The following KANK1 variants were observed in gnomAD, a reference collection of about 807,000 sequenced individuals.
KANK1 encodes the protein KN motif and ankyrin repeat domain-containing protein 1.
In KANK1, 109 loss-of-function variants were observed where a neutral mutation model predicts 106.2. That is an observed-to-expected ratio of 1.03 (90% CI 0.88 to 1.20). The LOEUF is 1.20. KANK1 is among the 50% of genes most tolerant of loss of function. The probability of loss-of-function intolerance (pLI) is 0.00; values close to 1 mark genes in which losing one functional copy is unlikely to be tolerated. For missense variants in KANK1, 2,399 were observed against 1,710.7 expected, an observed-to-expected ratio of 1.40 and a Z score of -7.10; for synonymous variants, 873 against 652.2, an observed-to-expected ratio of 1.34 and a Z score of -5.16.
chr9:669,370 A>G (rs1222871685), intron 1 of KANK1, among the ~76,000 whole-genome samples: 2 of 152,166 alleles, frequency 1.3e-5, no homozygotes, highest in Admixed American at 1.3e-4. Flanking sequence ...TTGAAGAACC[A>G]TCTTTAACAT....
rs201360608 is a variant in KANK1 at position 606,618 on chromosome 9, A to C, written c.-83-70272A>C. ...AAAATATGTGTGTGTGTGTGTGTAT[A>C]TATTTATATATTTATATATATTACA... On this transcript the variant is annotated intron_variant, in intron 1 of 11. Coordinates refer to ENST00000382297, the MANE Select transcript of KANK1 (RefSeq NM_015158.5). 4.4e-4 allele frequency among the ~76,000 whole-genome samples: 39 copies of C among 89,202 alleles called. No homozygotes were observed. In the East Asian group the frequency reaches 8.1e-3, roughly 18 times the overall value. 58.5% of individuals were successfully genotyped at this position (89,202 alleles called of 152,430 possible). A position where few individuals can be genotyped will look rare whatever the true frequency, so the allele number is the denominator to read the frequency against.
chr9:584,261 A>G (rs1348385594), intron 1 of KANK1, among the ~76,000 whole-genome samples: 1 of 151,920 alleles, frequency 6.6e-6, no homozygotes. Flanking sequence ...AAGTAATATC[A>G]TATGATTTAC....
At chr9:678,054 A>G (rs1484574371) in intron 2 of KANK1, among the ~76,000 whole-genome samples, 1 of 152,186 alleles carries the variant, frequency 6.6e-6, no homozygotes, top group Non-Finnish European at 1.5e-5. Flanking sequence ...CAGCCCATGA[A>G]TGTGACTTTT....
rs200239036 is a variant in KANK1 at position 738,477 on chromosome 9, G to C, written c.3526G>C (p.Glu1176Gln). 1.6e-5 allele frequency: 26 copies of C among 1,613,982 alleles called. No homozygotes were observed. The African/African-American group carries it at 3.1e-4, about 19-fold the overall frequency. ...LHYSVSHSNF[E>Q]IVKLLLDADV... ...TTACAGCGTGTCCCACTCCAACTTCGAGATTGTGAAGCTGCTGTTAGATGC... is the reference window on the plus strand; with the variant it reads ...TTACAGCGTGTCCCACTCCAACTTCCAGATTGTGAAGCTGCTGTTAGATGC... The change falls in exon 8 of 12, where the codon GAG (glutamate) becomes CAG (glutamine). Residue 1176 changes from glutamate to glutamine, a missense_variant. Physicochemically the swap from Glu to Gln is conservative, Grantham distance 29 (BLOSUM62 2). Coordinates refer to ENST00000382297, the MANE Select transcript of KANK1 (RefSeq NM_015158.5).
At chr9:646,397 T>C (rs1839677812) in intron 1 of KANK1, among the ~76,000 whole-genome samples, 1 of 150,972 alleles carries the variant, frequency 6.6e-6, no homozygotes, top group South Asian at 2.1e-4. Context: ...GTAGGTTATG[T>C]TTCTTCGTCT....
chr9:574,986 C>T (rs1185155032), intron 1 of KANK1, among the ~76,000 whole-genome samples: 2 of 151,870 alleles, frequency 1.3e-5, no homozygotes, highest in African/African-American at 4.8e-5. Flanking sequence ...TCAAAAGCAT[C>T]TTCTCAGGTT....
At chr9:613,793 G>T (rs575589948) in intron 1 of KANK1, among the ~76,000 whole-genome samples, 1 of 151,508 alleles carries the variant, frequency 6.6e-6, no homozygotes, top group South Asian at 2.1e-4. Flanking sequence ...GTGACTTTCT[G>T]TTGTAAAAAA....
At chr9:735,015 GT>G (rs1322329675) in intron 7 of KANK1, among the ~76,000 whole-genome samples, 180 bp downstream of exon 7, 1 of 152,180 alleles carries the variant, frequency 6.6e-6, no homozygotes, top group African/African-American at 2.4e-5. Flanking sequence ...CACTGCCAGC[GT>G]TTCCTTGAGG....
intron 1 of KANK1, among the ~76,000 whole-genome samples, chr9:661,282 T>TCCCCCCA (rs1588671686): frequency 3.5e-5 from 5 of 143,904 alleles, no homozygotes; most frequent in Admixed American, 6.8e-5. Context: ...CTCTTCCCCC[T>TCCCCCCA]CCCCACAACA....
intron 3 of KANK1, 86 bp from the exon 4 acceptor site, chr9:729,965 A>C: frequency 8.5e-7 from 1 of 1,181,818 alleles, no homozygotes. Context: ...CCCATTTTAA[A>C]TTATGAGTGG....
chr9:565,783 A>G (rs947343276), intron 1 of KANK1, among the ~76,000 whole-genome samples: 4 of 152,194 alleles, frequency 2.6e-5, no homozygotes, highest in Middle Eastern at 3.2e-3. Flanking sequence ...GAGTGATGCT[A>G]TTTACCACAG....
At position 740,792 on chromosome 9, in the gene KANK1, A is replaced by G. The variant is rs1278099765; in HGVS notation, c.3554A>G (p.Asp1185Gly). Residue 1185 changes from aspartate to glycine, a missense_variant and splice_region_variant, in exon 9 of 12, where the codon GAT (aspartate) becomes GGT (glycine). By Grantham distance (94) the Asp-to-Gly change is moderately conservative. Coordinates refer to ENST00000382297, the MANE Select transcript of KANK1 (RefSeq NM_015158.5). The part of the protein sequence containing the change: ...FEIVKLLLDA[D>G]VCNVDHQNKA... The stretch of plus-strand genomic sequence containing the variant: ...GACTTTTTTTTTTTTTTTTTTACAG[A>G]TGTGTGTAATGTGGATCACCAGAAC... The G allele has an allele frequency of 6.4e-7, 1 of 1,562,436 alleles. No homozygotes were observed. Among genetic ancestry groups the G allele is most frequent in the Admixed American group, 1.9e-5 (1 of 52,180 alleles).
At chr9:638,604 G>A (rs1362635252) in intron 1 of KANK1, among the ~76,000 whole-genome samples, 1 of 152,126 alleles carries the variant, frequency 6.6e-6, no homozygotes, top group East Asian at 1.9e-4. Context: ...AAAATATTTG[G>A]CAAAGAATAT....
intron 1 of KANK1, among the ~76,000 whole-genome samples, chr9:535,928 A>G (rs1237018831): frequency 6.6e-6 from 1 of 152,152 alleles, no homozygotes; most frequent in Non-Finnish European, 1.5e-5. Context: ...TTCACTACCC[A>G]ATTCCAAAAC....
intron 1 of KANK1, among the ~76,000 whole-genome samples, chr9:520,202 G>C (rs949758888): frequency 5.3e-5 from 8 of 151,634 alleles, no homozygotes; most frequent in African/African-American, 1.2e-4. Flanking sequence ...GCCGTGTGTG[G>C]TAGCACGCCC....
At chr9:559,490 G>A (rs1489020267) in intron 1 of KANK1, among the ~76,000 whole-genome samples, 1 of 152,094 alleles carries the variant, frequency 6.6e-6, no homozygotes, top group East Asian at 1.9e-4. Flanking sequence ...TGAGTGTCCA[G>A]GCCTGGTTTC....
intron 1 of KANK1, among the ~76,000 whole-genome samples, chr9:614,074 G>T (rs905320240): frequency 1.3e-4 from 20 of 152,192 alleles, no homozygotes; most frequent in African/African-American, 4.8e-4. Context: ...GGCCAGCAGA[G>T]TGCTCAGTTC....
At position 707,296 on chromosome 9, in the gene KANK1, G is replaced by C. The variant is rs545721118; in HGVS notation, c.38-3508G>C. ...GGGCGGCCACCGCTGGCCGAATTCC[G>C]GGGGGCCTGGGCGAGGGGGGCCGGC... On this transcript the variant is annotated intron_variant, in intron 2 of 11. Transcript: ENST00000382297. The C allele has an allele frequency of 2.2e-4, 201 of 924,968 alleles. No individual in the cohort carries two copies. The African/African-American group carries it at 3.5e-3, about 16-fold the overall frequency. 57.3% of individuals were successfully genotyped at this position (924,968 alleles called of 1,614,324 possible). A position where few individuals can be genotyped will look rare whatever the true frequency, so the allele number is the denominator to read the frequency against.
intron 1 of KANK1, among the ~76,000 whole-genome samples, chr9:674,530 G>C (rs999566293): frequency 1.3e-5 from 2 of 152,120 alleles, no homozygotes; most frequent in Non-Finnish European, 2.9e-5. Context: ...TTCTCACCCT[G>C]TGTGATCAAA....
Sources: allele counts gnomAD v4.1 joint callset (sites outside exome capture counted in the v4.1 genomes callset), GRCh38; gene constraint gnomAD v4.1.1; transcripts MANE v1.5; gene names NCBI Gene and HGNC (gene_info 2026-07-23, HGNC 2026-07-21).